The following KCNH5 variants were observed in gnomAD, a reference collection of about 807,000 sequenced individuals.
KCNH5 encodes the protein potassium voltage-gated channel subfamily H member 5, also known as voltage-gated delayed rectifier potassium channel KCNH5.
Under a neutral mutation model 96.1 loss-of-function variants are expected in KCNH5, and 46 were observed. The observed-to-expected ratio is 0.48, with a 90% CI of 0.38 to 0.61. KCNH5 has a LOEUF of 0.61. Among genes scored for constraint, KCNH5 ranks in the 20% least tolerant of loss-of-function variants. KCNH5 has a pLI of 0.00. For missense variants in KCNH5, 907 were observed against 1,225.8 expected, an observed-to-expected ratio of 0.74 and a Z score of 3.88; for synonymous variants, 439 against 449.8, an observed-to-expected ratio of 0.98 and a Z score of 0.30.
chr14:62,786,026 A>C (rs1886313912), intron 9 of KCNH5, among the ~76,000 whole-genome samples: 1 of 152,136 alleles, frequency 6.6e-6, no homozygotes, highest in African/African-American at 2.4e-5. Context: ...TCCCATTTCT[A>C]CTAAAAATAC....
intron 6 of KCNH5, among the ~76,000 whole-genome samples, chr14:62,963,179 C>G (rs376000942): frequency 2.6e-5 from 4 of 152,066 alleles, no homozygotes; most frequent in South Asian, 4.1e-4. Flanking sequence ...TATTACAGTA[C>G]ATTATAGTAA....
intron 4 of KCNH5, among the ~76,000 whole-genome samples, chr14:62,997,866 C>T (rs1335114742): frequency 7.2e-6 from 1 of 139,564 alleles, no homozygotes; most frequent in Non-Finnish European, 1.5e-5. Context: ...CACCACTGCA[C>T]TCCAACCTGG....
intron 5 of KCNH5, among the ~76,000 whole-genome samples, chr14:62,982,739 A>G (rs1890633458): frequency 6.6e-6 from 1 of 152,164 alleles, no homozygotes; most frequent in Non-Finnish European, 1.5e-5. Context: ...CATTTTTACT[A>G]TTTTTGATAT....
At chr14:62,721,328 T>A (rs1884809692) in intron 10 of KCNH5, among the ~76,000 whole-genome samples, 1 of 152,218 alleles carries the variant, frequency 6.6e-6, no homozygotes, top group Non-Finnish European at 1.5e-5. Context: ...TTGTGGTTTC[T>A]TTGGCAATGT....
intron 1 of KCNH5, among the ~76,000 whole-genome samples, chr14:63,020,773 G>C (rs1891411362): frequency 6.6e-6 from 1 of 152,060 alleles, no homozygotes; most frequent in Non-Finnish European, 1.5e-5. Context: ...TAAGATCTGG[G>C]CATTTTGCTG....
At chr14:63,007,082 C>A (rs1437736228) in intron 2 of KCNH5, among the ~76,000 whole-genome samples, 1 of 152,006 alleles carries the variant, frequency 6.6e-6, no homozygotes, top group Non-Finnish European at 1.5e-5. Flanking sequence ...AAATAGGTGA[C>A]CATGGAAATG....
intron 7 of KCNH5, among the ~76,000 whole-genome samples, chr14:62,935,317 G>A (rs1407175555): frequency 6.6e-6 from 1 of 152,140 alleles, no homozygotes. Flanking sequence ...TGTTATGCTA[G>A]GGATACAGAG....
chr14:62,878,361 A>G (rs1888425807), intron 7 of KCNH5, among the ~76,000 whole-genome samples: 1 of 151,976 alleles, frequency 6.6e-6, no homozygotes, highest in African/African-American at 2.4e-5. Flanking sequence ...AATAAAATAA[A>G]AAAAGAAAAA....
intron 10 of KCNH5, among the ~76,000 whole-genome samples, chr14:62,740,382 G>C (rs1885246523): frequency 1.3e-5 from 2 of 152,096 alleles, no homozygotes; most frequent in Non-Finnish European, 2.9e-5. Context: ...CTCTGGCCTA[G>C]GTTGTCAGAC....
At chr14:62,839,798 A>C (rs1887538865) in intron 8 of KCNH5, among the ~76,000 whole-genome samples, 1 of 152,108 alleles carries the variant, frequency 6.6e-6, no homozygotes, top group Non-Finnish European at 1.5e-5. Flanking sequence ...CAGTTATTTG[A>C]CTGTTAGCAC....
chr14:62,739,787 A>G (rs1189915756), intron 10 of KCNH5, among the ~76,000 whole-genome samples: 2 of 152,144 alleles, frequency 1.3e-5, no homozygotes, highest in Non-Finnish European at 2.9e-5. Flanking sequence ...TCTTTGTCAT[A>G]TAAACCTGCA....
At chr14:62,737,206 C>T (rs1885176976) in intron 10 of KCNH5, among the ~76,000 whole-genome samples, 1 of 152,128 alleles carries the variant, frequency 6.6e-6, no homozygotes, top group South Asian at 2.1e-4. Flanking sequence ...TTGTTTTTCT[C>T]CCAAACACAA....
rs113543422 is a variant in KCNH5, at chr14:62,858,287, A to T, written c.1370-8435T>A. On this transcript the variant is annotated intron_variant, in intron 7 of 10. Transcript: ENST00000322893. ...AGCAGGTCGTGTTTTTTCCTGGTGG[A>T]GTGACCCAAACCTTCATTCCTGAAG... is the stretch of plus-strand genomic sequence containing the variant. 5.1e-3 allele frequency among the ~76,000 whole-genome samples: 777 copies of T among 152,216 alleles called. 2 individuals carry two copies. Among genetic ancestry groups the T allele is most frequent in the African/African-American group, 0.018 (737 of 41,534 alleles).
chr14:62,943,074 GGAGA>G (rs1889819165), intron 7 of KCNH5, among the ~76,000 whole-genome samples: 1 of 151,950 alleles, frequency 6.6e-6, no homozygotes, highest in South Asian at 2.1e-4. Flanking sequence ...ACATATATAT[GGAGA>G]GAGAAAAAAA....
intron 6 of KCNH5, among the ~76,000 whole-genome samples, chr14:62,973,866 G>A (rs1184021559): frequency 6.6e-6 from 1 of 152,114 alleles, no homozygotes. Context: ...CTTTGTAGAA[G>A]GTCTGAGATG....
intron 5 of KCNH5, among the ~76,000 whole-genome samples, 174 bp downstream of exon 5, chr14:62,986,898 G>C (rs1890718936): frequency 6.6e-6 from 1 of 152,164 alleles, no homozygotes. Flanking sequence ...CATTTCAAAA[G>C]TTGGAGAGAA....
chr14:62,757,220 A>T (rs941889434), intron 10 of KCNH5, among the ~76,000 whole-genome samples: 2 of 151,194 alleles, frequency 1.3e-5, no homozygotes, highest in African/African-American at 4.9e-5. Context: ...ATGCAATGCT[A>T]CAATGCAAAG....
intron 7 of KCNH5, among the ~76,000 whole-genome samples, chr14:62,917,785 C>G (rs1317232131): frequency 6.6e-6 from 1 of 152,172 alleles, no homozygotes; most frequent in East Asian, 1.9e-4. Context: ...TTCTTAATAC[C>G]TTAACATTCC....
chr14:62,872,181 G>C (rs986658704), intron 7 of KCNH5, among the ~76,000 whole-genome samples: 2 of 151,914 alleles, frequency 1.3e-5, no homozygotes, highest in African/African-American at 4.8e-5. Flanking sequence ...TTTCTACTAC[G>C]TGTCAGATGC....
Sources: allele counts gnomAD v4.1 joint callset (sites outside exome capture counted in the v4.1 genomes callset), GRCh38; gene constraint gnomAD v4.1.1; transcripts MANE v1.5; gene names NCBI Gene and HGNC (gene_info 2026-07-23, HGNC 2026-07-21).